The following RYK variants were observed in gnomAD, a reference collection of about 807,000 sequenced individuals.
RYK encodes the protein receptor like tyrosine kinase, also known as inactive tyrosine-protein kinase RYK.
A neutral mutation model predicts 70.2 loss-of-function variants in RYK; 21 were observed. The ratio of observed to expected loss-of-function variants is 0.30; its 90% CI spans 0.21 to 0.43. RYK has a LOEUF of 0.43. RYK is among the 20% of genes least tolerant of loss of function. The pLI is 1.00. For missense variants in RYK, 604 were observed against 753.3 expected (o/e 0.80, Z 2.32); for synonymous variants, 267 against 278.0 (o/e 0.96, Z 0.39).
rs60155649 is a variant in RYK at position 134,196,369 on chromosome 3, C to T, written c.789-1187G>A. Among the ~76,000 whole-genome samples the T allele has an allele frequency of 3.4e-3, 523 of 152,262 alleles. 2 individuals are homozygous for T. The highest frequency in any genetic ancestry group is 0.012 in the African/African-American group (504 of 41,554). ...CAGCAGTGCCCAATCAAGTCTCCAACTTTCCTTAATATGCAAAATCTTTTA... is the reference window on the plus strand; with the variant it reads ...CAGCAGTGCCCAATCAAGTCTCCAATTTTCCTTAATATGCAAAATCTTTTA... On this transcript the variant is annotated intron_variant, in intron 6 of 14. Transcript: ENST00000623711.
At chr3:134,180,014 A>G (rs2013240716) in intron 10 of RYK, 2 of 152,166 alleles carry the variant, frequency 1.3e-5, no homozygotes, top group Admixed American at 1.3e-4. Flanking sequence ...GAAGGTCTGG[A>G]TCTCTAAGAA....
intron 2 of RYK, among the ~76,000 whole-genome samples, chr3:134,213,252 A>C (rs535622376): frequency 6.6e-6 from 1 of 152,356 alleles, no homozygotes; most frequent in East Asian, 1.9e-4. Flanking sequence ...CGCCAGCAAG[A>C]ACTGGGTTTG....
At chr3:134,192,735 C>T (rs1019263078) in intron 7 of RYK, among the ~76,000 whole-genome samples, 1 of 152,124 alleles carries the variant, frequency 6.6e-6, no homozygotes, top group Non-Finnish European at 1.5e-5. Flanking sequence ...AAACCTCCCC[C>T]CAAAATTAGT....
rs1371905828 is a variant in RYK, at chr3:134,240,203, T to C, written c.232+10220A>G. ...TCTTTCAGATATACATATTGGAATATTTTTATGAAATTATGTCTAGATTTG... is the reference window on the plus strand; with the variant it reads ...TCTTTCAGATATACATATTGGAATACTTTTATGAAATTATGTCTAGATTTG... On this transcript the variant is annotated intron_variant, in intron 1 of 14. Transcript: ENST00000623711. Among the ~76,000 whole-genome samples, 3 of 152,334 alleles carry C rather than the reference T, an allele frequency of 2.0e-5. No individual in the cohort carries two copies. In the East Asian group the frequency reaches 5.8e-4, roughly 29 times the overall value.
At chr3:134,192,065 G>C (rs912870149) in intron 7 of RYK, 91 bp from the exon 8 acceptor site, 4 of 1,267,232 alleles carry the variant, frequency 3.2e-6, no homozygotes, top group Non-Finnish European at 4.4e-6. Context: ...CAGGACTCAG[G>C]TCACAGGAAT....
intron 1 of RYK, among the ~76,000 whole-genome samples, chr3:134,240,347 G>A (rs182838270): frequency 3.9e-5 from 6 of 152,156 alleles, no homozygotes; most frequent in East Asian, 1.9e-4. Context: ...GCTGGATGAC[G>A]GGTATACAGA....
At chr3:134,181,769 G>A (rs1449706032) in intron 10 of RYK, 1 of 152,072 alleles carries the variant, frequency 6.6e-6, no homozygotes, top group Non-Finnish European at 1.5e-5. Flanking sequence ...CTCTAATGTT[G>A]ATACTGTCAC....
intron 1 of RYK, among the ~76,000 whole-genome samples, chr3:134,242,213 G>A (rs1418770724): frequency 6.6e-6 from 1 of 151,824 alleles, no homozygotes; most frequent in African/African-American, 2.4e-5. Context: ...GCTGAGGCAG[G>A]AGAATTGCTT....
In RYK at chr3:134,171,629, G is replaced by C. The variant is rs2108147747; in HGVS notation, c.1575+3980C>G. Among the ~76,000 whole-genome samples the C allele has an allele frequency of 3.3e-5, 5 of 152,312 alleles. No homozygotes were observed. The Middle Eastern group carries it at 0.017, about 518-fold the overall frequency. On this transcript the variant is annotated intron_variant, in intron 13 of 14. Transcript: ENST00000623711. ...CGCCTGTAATCCCAGTGCTTTGAGA[G>C]GTCAAGGCAGGAGGATCGCTTGAGC...
intron 1 of RYK, among the ~76,000 whole-genome samples, chr3:134,229,285 TCTA>T (rs976005587): frequency 1.5e-4 from 23 of 149,422 alleles, no homozygotes; most frequent in Admixed American, 3.3e-4. Context: ...TCGCACTCTC[TCTA>T]CTGCCTTCTC....
intron 13 of RYK, among the ~76,000 whole-genome samples, chr3:134,174,048 A>G (rs1292685290): frequency 6.6e-6 from 1 of 152,180 alleles, no homozygotes; most frequent in Admixed American, 6.5e-5. Flanking sequence ...GTTCTAAATC[A>G]TATGTATCCT....
chr3:134,183,985 T>C (rs1264125446), intron 9 of RYK, among the ~76,000 whole-genome samples: 1 of 152,208 alleles, frequency 6.6e-6, no homozygotes, highest in African/African-American at 2.4e-5. Context: ...CTTTTCAAGA[T>C]GGGAGAATTT....
chr3:134,186,115 T>C (rs1264296683), intron 9 of RYK, among the ~76,000 whole-genome samples: 1 of 152,210 alleles, frequency 6.6e-6, no homozygotes, highest in African/African-American at 2.4e-5. Context: ...TTTACAAAAC[T>C]ATAAAAATTT....
intron 1 of RYK, among the ~76,000 whole-genome samples, chr3:134,245,709 T>A: frequency 6.6e-6 from 1 of 152,098 alleles, no homozygotes. Flanking sequence ...CCTCCATCCC[T>A]CCCTCAGCCA....
rs1390287444 is a variant in RYK at position 134,175,936 on chromosome 3, T to C, written c.1409A>G (p.Asn470Ser). Residue 470 changes from asparagine (N) to serine (S), a missense_variant, in exon 12 of 15, where the codon AAC becomes AGC. Physicochemically the swap from Asn to Ser is conservative, Grantham distance 46. Transcript: ENST00000623711. ...TCAAGCTCATGGCACCTACACACAG[T>C]TCCTGGCAGCCAGGTCTTTGTGGAT... is the stretch of plus-strand genomic sequence containing the variant. ...EVIHKDLAAR[N>S]CVIDDTLQVK... The C allele has an allele frequency of 6.2e-7, 1 of 1,605,390 alleles. No individual in the cohort carries two copies. Among genetic ancestry groups the C allele is most frequent in the South Asian group, 1.1e-5 (1 of 89,640 alleles).
In RYK at chr3:134,228,601, A is replaced by G. The variant is rs569940352; in HGVS notation, c.233-6062T>C. On this transcript the variant is annotated intron_variant, in intron 1 of 14. Coordinates refer to ENST00000623711, the MANE Select transcript of RYK (RefSeq NM_002958.4). ...TGAAATAAGCCAGACACAGAAAGAC[A>G]AATACCGCATGACATCACTCATATG... Among the ~76,000 whole-genome samples the G allele has an allele frequency of 1.9e-4, 29 of 152,378 alleles. No homozygotes were observed. The South Asian group carries it at 3.9e-3, about 21-fold the overall frequency.
intron 13 of RYK, among the ~76,000 whole-genome samples, chr3:134,165,805 T>C (rs190758345): frequency 6.6e-6 from 1 of 152,362 alleles, no homozygotes; most frequent in East Asian, 1.9e-4. Context: ...TTTCTTCCCT[T>C]TGGAATGAGT....
rs1311570794 is a variant in RYK, at chr3:134,157,319, A to G, written c.*834T>C. The G allele has an allele frequency of 6.6e-6, 1 of 152,450 alleles. No individual in the cohort carries two copies. Among genetic ancestry groups the G allele is most frequent in the Non-Finnish European group, 1.5e-5 (1 of 68,046 alleles). The allele number at this position is 152,450 out of a possible 1,614,324, so 9.4% of individuals were successfully genotyped here. A position where few individuals can be genotyped will look rare whatever the true frequency, so the allele number is the denominator to read the frequency against. On this transcript the variant is annotated 3_prime_UTR_variant, in exon 15 of 15. Coordinates refer to ENST00000623711, the MANE Select transcript of RYK (RefSeq NM_002958.4). ...TGCAATAAAAGGGAATCTTAACCTT[A>G]GAAATATGAGTTCACTTTCTGGAAT...
chr3:134,187,553 T>C (rs1040964848), intron 9 of RYK, among the ~76,000 whole-genome samples: 1 of 152,080 alleles, frequency 6.6e-6, no homozygotes, highest in African/African-American at 2.4e-5. Flanking sequence ...TCAGAATTAT[T>C]ATCATCATTT....
Sources: gnomAD v4.1 joint callset for allele counts (sites outside exome capture counted in the v4.1 genomes callset) on GRCh38, gnomAD v4.1.1 for gene constraint, MANE v1.5 for transcripts, NCBI Gene and HGNC (gene_info 2026-07-23, HGNC 2026-07-21) for gene names.